The following PCDHGB1 variants were observed in gnomAD, a reference collection of about 807,000 sequenced individuals.
PCDHGB1 encodes protocadherin gamma subfamily B, 1.
Under a neutral mutation model 56.6 loss-of-function variants are expected in PCDHGB1, and 34 were observed. The observed-to-expected ratio is 0.60, with a 90% CI of 0.46 to 0.80. The LOEUF is 0.80. Ranked by LOEUF, PCDHGB1 falls within the 30% of genes least tolerant of loss-of-function variation. The pLI, the probability that PCDHGB1 is intolerant of heterozygous loss-of-function variation, is 0.00. For missense variants in PCDHGB1, 1,278 were observed against 1,204.6 expected (o/e 1.06, Z -0.90); for synonymous variants, 561 against 505.9 (o/e 1.11, Z -1.46).
chr5:141,427,982 G>T, intron 1 of PCDHGB1: 1 of 1,596,752 alleles, frequency 6.3e-7, no homozygotes, highest in African/African-American at 1.3e-5. Flanking sequence ...CCGCGCTGGG[G>T]CCCGATGGCT....
intron 1 of PCDHGB1, chr5:141,372,106 G>T: frequency 6.2e-7 from 1 of 1,613,828 alleles, no homozygotes; most frequent in Non-Finnish European, 8.5e-7. Flanking sequence ...GGGCCCGAAG[G>T]CTCTGCGCTC....
chr5:141,509,872 G>T (rs968745661), intron 3 of PCDHGB1, among the ~76,000 whole-genome samples: 16 of 152,166 alleles, frequency 1.1e-4, no homozygotes, highest in Non-Finnish European at 1.5e-5. Context: ...CCAAGCTGCT[G>T]GTGGTGATGG....
At chr5:141,427,692 C>A in intron 1 of PCDHGB1, 1 of 903,150 alleles carries the variant, frequency 1.1e-6, no homozygotes, top group Non-Finnish European at 1.8e-6. Context: ...AGCCTCCATC[C>A]CACAAGTCAG....
At chr5:141,409,389 C>T (rs1445649056) in intron 1 of PCDHGB1, 2 of 1,613,888 alleles carry the variant, frequency 1.2e-6, no homozygotes, top group Non-Finnish European at 1.7e-6. Flanking sequence ...AAGATTTATT[C>T]TTCTTCCAAT....
At chr5:141,422,122 A>C in intron 1 of PCDHGB1, 1 of 1,601,714 alleles carries the variant, frequency 6.2e-7, no homozygotes, top group Non-Finnish European at 8.5e-7. Context: ...GGATTCACAA[A>C]CTGGAGAAGT....
intron 1 of PCDHGB1, among the ~76,000 whole-genome samples, chr5:141,397,282 T>A (rs2150702726): frequency 6.6e-6 from 1 of 152,350 alleles, no homozygotes; most frequent in South Asian, 2.1e-4. Context: ...ATGGGCAGTA[T>A]ACTTGAATGA....
At chr5:141,360,528 G>A (rs1473510639) in intron 1 of PCDHGB1, 7 of 1,613,850 alleles carry the variant, frequency 4.3e-6, no homozygotes, top group Admixed American at 1.7e-5. Flanking sequence ...ATAATACCCC[G>A]CTATTCAAAC....
chr5:141,399,776 A>T, intron 1 of PCDHGB1: 1 of 1,613,218 alleles, frequency 6.2e-7, no homozygotes, highest in African/African-American at 1.3e-5. Context: ...TTGGTGGGCG[A>T]CCGAAACGAC....
chr5:141,389,847 A>T (rs541124715), intron 1 of PCDHGB1: 1 of 1,614,066 alleles, frequency 6.2e-7, no homozygotes, highest in African/African-American at 1.3e-5. Flanking sequence ...ACTCTCGGCC[A>T]CTGCCACGTT....
At chr5:141,372,646 C>A in intron 1 of PCDHGB1, 2 of 1,614,008 alleles carry the variant, frequency 1.2e-6, no homozygotes, top group Non-Finnish European at 1.7e-6. Context: ...TTGCCTTATT[C>A]CTACAATCCG....
chr5:141,435,737 T>C (rs944951200), intron 1 of PCDHGB1, among the ~76,000 whole-genome samples: 1 of 152,202 alleles, frequency 6.6e-6, no homozygotes, highest in Non-Finnish European at 1.5e-5. Context: ...TATTACTCTT[T>C]GAAAAGCATT....
rs61612330 is a variant in PCDHGB1, at chr5:141,454,796, A to ATTTTTTTTTTTTTTTTTTTTTTTTTT, written c.2410-40007_2410-39982dup. Among the ~76,000 whole-genome samples, 3 of 77,456 alleles carry ATTTTTTTTTTTTTTTTTTTTTTTTTT rather than the reference A, an allele frequency of 3.9e-5. 1 individual carries two copies. The highest frequency in any genetic ancestry group is 1.2e-4 in the African/African-American group (2 of 16,882). 50.8% of individuals were successfully genotyped at this position (77,456 alleles called of 152,430 possible). A position where few individuals can be genotyped will look rare whatever the true frequency, so the allele number is the denominator to read the frequency against. On this transcript the variant is annotated intron_variant, in intron 1 of 3. Transcript: ENST00000523390. Reference sequence around the variant, plus strand: ...AAGGAAATAATCCTCCATGGTTCTAATTTTTTTTTTTTTTTTTTTTTTTTT... The same window carrying ATTTTTTTTTTTTTTTTTTTTTTTTTT: ...AAGGAAATAATCCTCCATGGTTCTAATTTTTTTTTTTTTTTTTTTTTTTTTTTTTTTTTTTTTTTTTTTTTTTTTTT...
At chr5:141,364,703 G>T (rs1281129906) in intron 1 of PCDHGB1, 4 of 1,613,812 alleles carry the variant, frequency 2.5e-6, no homozygotes, top group Non-Finnish European at 2.5e-6. Context: ...AGAAATAATC[G>T]ATATTAATGA....
intron 1 of PCDHGB1, chr5:141,357,538 A>G: frequency 1.9e-6 from 3 of 1,614,228 alleles, no homozygotes; most frequent in Admixed American, 1.7e-5. Context: ...AGACACGCTC[A>G]TCAGCCGGGA....
intron 1 of PCDHGB1, chr5:141,419,144 A>G: frequency 6.2e-7 from 1 of 1,613,940 alleles, no homozygotes; most frequent in South Asian, 1.1e-5. Context: ...AGACAGGGGC[A>G]AGCCTCCGTT....
rs375569568 is a variant in PCDHGB1, at chr5:141,357,473, C to T, written c.2409+4804C>T. 69 of 1,614,098 alleles carry T rather than the reference C, an allele frequency of 4.3e-5. No individual in the cohort carries two copies. The highest frequency in any genetic ancestry group is 5.3e-5 in the Non-Finnish European group (63 of 1,180,050). The stretch of plus-strand genomic sequence containing the variant: ...CTGCAGACCTATTCCCACGAGGTCT[C>T]CCTCACCGCGGACTCGCGGAAGAGT... On this transcript the variant is annotated intron_variant, in intron 1 of 3. Transcript: ENST00000523390.
At chr5:141,414,043 G>A in intron 1 of PCDHGB1, 1 of 1,611,348 alleles carries the variant, frequency 6.2e-7, no homozygotes, top group Non-Finnish European at 8.5e-7. Context: ...AAAATTACCT[G>A]ACACGCAATT....
intron 1 of PCDHGB1, chr5:141,410,860 T>TTTTTTTTTTTTTTTTTTG: frequency 2.3e-6 from 1 of 442,030 alleles, no homozygotes; most frequent in Non-Finnish European, 3.7e-6. Flanking sequence ...TTTTTTTTTT[T>TTTTTTTTTTTTTTTTTTG]TTTTTTTTTT....
At chr5:141,413,417 T>C in intron 1 of PCDHGB1, 18 of 1,614,086 alleles carry the variant, frequency 1.1e-5, no homozygotes, top group Non-Finnish European at 1.5e-5. Context: ...CTTTTCTCTC[T>C]GAACCCGCGC....
Sources: allele counts gnomAD v4.1 joint callset (sites outside exome capture counted in the v4.1 genomes callset), GRCh38; gene constraint gnomAD v4.1.1; transcripts MANE v1.5; gene names NCBI Gene and HGNC (gene_info 2026-07-23, HGNC 2026-07-21).